TBC1D28: variants seen among roughly 807,000 people sequenced by gnomAD.
TBC1D28 encodes the protein TBC1 domain family member 28.
In TBC1D28, 20 loss-of-function variants were observed where a neutral mutation model predicts 29.2. The observed-to-expected ratio is 0.68, with a 90% confidence interval of 0.48 to 0.99. TBC1D28 has a LOEUF of 0.99. Ranked by LOEUF, TBC1D28 falls within the 50% of genes least tolerant of loss-of-function variation. The probability of loss-of-function intolerance (pLI) is 0.00; values close to 1 mark genes in which losing one functional copy is unlikely to be tolerated. For missense variants in TBC1D28, 205 were observed against 243.7 expected (o/e 0.84, Z 1.06); for synonymous variants, 65 against 90.9 (o/e 0.71, Z 1.62).
At chr17:18,642,343 A>C (rs1392863559) in exon 1 of TBC1D28, 2 of 152,188 alleles carry the variant, frequency 1.3e-5, no homozygotes, top group Non-Finnish European at 2.9e-5. Flanking sequence ...CTTAGGGCAC[A>C]GACTTGGACC....
rs969524001 is a variant in TBC1D28 at position 18,639,040 on chromosome 17, A to G, written c.198+135T>C. 3 of 1,373,276 alleles carry G rather than the reference A, an allele frequency of 2.2e-6. No homozygotes were observed. In the African/African-American group the frequency reaches 4.3e-5, roughly 20 times the overall value. The allele number at this position is 1,373,276 out of a possible 1,614,324, so 85.1% of individuals were successfully genotyped here. Reference sequence around the variant, plus strand: ...CCTCATGGGAACAGAGTCCAGCAGGAAAGGCCACCCCTCCCAGTGACAGCC... The same window carrying G: ...CCTCATGGGAACAGAGTCCAGCAGGGAAGGCCACCCCTCCCAGTGACAGCC... On this transcript the variant is annotated intron_variant, in intron 5 of 8. Coordinates refer to ENST00000345096, the Ensembl canonical transcript of TBC1D28.
chr17:18,639,089 G>T, intron 5 of TBC1D28, 86 bp downstream of exon 6: 2 of 1,323,504 alleles, frequency 1.5e-6, no homozygotes, highest in Non-Finnish European at 2.1e-6. Context: ...CACCACACAG[G>T]CCCACAGGCC....
chr17:18,634,799 C>CCCTCAGCCCCTCAGCCG (rs1435878182), downstream of TBC1D28, among the ~76,000 whole-genome samples: 8 of 151,424 alleles, frequency 5.3e-5, no homozygotes, highest in South Asian at 2.1e-4. Context: ...GCCCCTCAGC[C>CCCTCAGCCCCTCAGCCG]CCTCAGCCCC....
exon 9 of TBC1D28, chr17:18,636,316 G>T: frequency 1.4e-6 from 2 of 1,454,500 alleles, no homozygotes; most frequent in South Asian, 2.9e-5. Context: ...AGGCTTTGGG[G>T]CAACACCAGG....
At chr17:18,636,584 A>C in exon 9 of TBC1D28, 1 of 1,613,208 alleles carries the variant, frequency 6.2e-7, no homozygotes, top group Non-Finnish European at 8.5e-7. Context: ...AGGATGTCAC[A>C]TAATTCCTGC....
chr17:18,643,776 A>G (rs560653227), upstream of TBC1D28, among the ~76,000 whole-genome samples: 1 of 152,310 alleles, frequency 6.6e-6, no homozygotes, highest in East Asian at 1.9e-4. Context: ...ACTCCCAGAC[A>G]AGGGACCCCA....
upstream of TBC1D28, among the ~76,000 whole-genome samples, chr17:18,643,256 A>C (rs1440577776): frequency 6.6e-6 from 1 of 151,998 alleles, no homozygotes; most frequent in Non-Finnish European, 1.5e-5. Flanking sequence ...ACTCAGCTAG[A>C]CTGTAAAATG....
rs748667658 is a variant in TBC1D28 at position 18,636,561 on chromosome 17, A to G, written c.534T>C (p.Ser178=). The G allele has an allele frequency of 6.8e-6, 11 of 1,613,980 alleles. No individual in the cohort carries two copies. In the East Asian group the frequency reaches 2.2e-4, roughly 33 times the overall value. The change falls in exon 9 of 9, where the codon TCT becomes TCC. Residue 178 remains serine, a synonymous_variant. Coordinates refer to ENST00000345096, the Ensembl canonical transcript of TBC1D28. ...CGGGAATACTCACAGGGTTATATGC[A>G]GAATAGGCCACGAGGATGTCACATA...
Position 18,637,859 on chromosome 17 carries a change from C to T in TBC1D28, c.497+5G>A, listed in dbSNP as rs2031572701. 6 of 1,613,694 alleles carry T rather than the reference C, an allele frequency of 3.7e-6. No individual in the cohort carries two copies. Among genetic ancestry groups the T allele is most frequent in the Non-Finnish European group, 5.1e-6 (6 of 1,179,804 alleles). Reference sequence around the variant, plus strand: ...TGGGACCCCTGCAAGCCCCATTGGCCTTACTTGACTCCGAATCTTTGTATG... The same window carrying T: ...TGGGACCCCTGCAAGCCCCATTGGCTTTACTTGACTCCGAATCTTTGTATG... On this transcript the variant is annotated splice_donor_5th_base_variant and intron_variant, in intron 8 of 8. Transcript: ENST00000345096.
chr17:18,642,489 C>T (rs1271996337), upstream of TBC1D28: 17 of 152,098 alleles, frequency 1.1e-4, 1 homozygote, highest in Non-Finnish European at 2.9e-5. Context: ...GGTCAAAGCT[C>T]AAGTCCAGCA....
rs1158983614 is a variant in TBC1D28 at position 18,639,804 on chromosome 17, A to G, written c.159-590T>C. Among the ~76,000 whole-genome samples the G allele has an allele frequency of 1.6e-4, 15 of 94,700 alleles. 3 individuals carry two copies. Among genetic ancestry groups the G allele is most frequent in the Non-Finnish European group, 1.6e-4 (8 of 49,538 alleles). The allele number at this position is 94,700 out of a possible 152,430, so 62.1% of individuals were successfully genotyped here. A position where few individuals can be genotyped will look rare whatever the true frequency, so the allele number is the denominator to read the frequency against. ...CCCCATCCTGCCCAGCCCAGACACT[A>G]TGACCCTCTCTCCGGCCACTCTGGC... On this transcript the variant is annotated intron_variant, in intron 4 of 8. Transcript: ENST00000345096.
At chr17:18,634,482 C>CTATT (rs748330864), downstream of TBC1D28, among the ~76,000 whole-genome samples, 14 of 150,208 alleles carry the variant, frequency 9.3e-5, no homozygotes, top group East Asian at 7.8e-4. Flanking sequence ...CATATAAAAG[C>CTATT]TATCAGTTCC....
At chr17:18,638,551 C>T in intron 6 of TBC1D28, 70 bp downstream of exon 7, 1 of 1,531,728 alleles carries the variant, frequency 6.5e-7, no homozygotes, top group Non-Finnish European at 8.8e-7. Flanking sequence ...CCACCCAGGC[C>T]AAAACCATGG....
upstream of TBC1D28, chr17:18,644,358 AT>A (rs2031906279): frequency 1.3e-5 from 2 of 152,208 alleles, no homozygotes; most frequent in Non-Finnish European, 2.9e-5. Context: ...AGACACCTCT[AT>A]GTCTTATCTC....
chr17:18,636,176 C>T (rs2031487489), exon 9 of TBC1D28: 1 of 1,204,370 alleles, frequency 8.3e-7, no homozygotes, highest in South Asian at 3.2e-5. Context: ...GCCAGGTTTC[C>T]AGTGAAGAAG....
At chr17:18,643,849 C>T (rs140033209), upstream of TBC1D28, among the ~76,000 whole-genome samples, 598 of 152,350 alleles carry the variant, frequency 3.9e-3, 1 homozygote, top group African/African-American at 0.014. Flanking sequence ...TTGGTGAGAC[C>T]TCCTCCTGCG....
intron 7 of TBC1D28, 148 bp downstream of exon 8, chr17:18,638,165 C>T (rs1441603265): frequency 3.1e-6 from 4 of 1,281,778 alleles, no homozygotes; most frequent in African/African-American, 3.0e-5. Flanking sequence ...ACCTGTGGTG[C>T]CTGAGTTACC....
chr17:18,643,648 C>T (rs1355432590), upstream of TBC1D28, among the ~76,000 whole-genome samples: 21 of 151,242 alleles, frequency 1.4e-4, no homozygotes, highest in Non-Finnish European at 2.7e-4. Flanking sequence ...CTGACCAGTC[C>T]CCCAGTGACC....
At chr17:18,639,021 G>A (rs1467826676) in intron 5 of TBC1D28, 154 bp downstream of exon 6, 30 of 1,265,822 alleles carry the variant, frequency 2.4e-5, no homozygotes, top group African/African-American at 4.5e-5. Context: ...AAGCCCTCAT[G>A]GGAACAGAGT....
Sources: gnomAD v4.1 joint callset for allele counts (sites outside exome capture counted in the v4.1 genomes callset) on GRCh38, gnomAD v4.1.1 for gene constraint, MANE v1.5 for transcripts, NCBI Gene and HGNC (gene_info 2026-07-23, HGNC 2026-07-21) for gene names.